Variants in BCORL1 observed in about 807,000 individuals in gnomAD.
BCORL1 encodes the protein BCL6 corepressor like 1.
In BCORL1, 7 loss-of-function variants were observed where a neutral mutation model predicts 87.6. That is an observed-to-expected ratio of 0.08 (90% CI 0.05 to 0.15). The LOEUF (loss-of-function observed/expected upper bound fraction) is 0.15, where lower values mean the gene tolerates loss of function less well. Ranked by LOEUF, BCORL1 falls within the 10% of genes least tolerant of loss-of-function variation. The pLI is 1.00. For synonymous variants in BCORL1, 591 were observed against 634.4 expected (o/e 0.93, Z 1.03); for missense variants, 1,215 against 1,499.7 (o/e 0.81, Z 3.13).
chrX:130,029,856 T>C (rs975733869), intron 8 of BCORL1, among the ~76,000 whole-genome samples: 4 of 110,503 alleles, frequency 3.6e-5, no homozygotes, highest in East Asian at 5.8e-4. Flanking sequence ...AAAATCACCA[T>C]GTTGGCCGGG....
At position 130,013,970 on chromosome X, in the gene BCORL1, G is replaced by A; in HGVS notation, c.1198G>A (p.Ala400Thr). ...FTPAPTPMPA[A>T]TPAAIPTSAP... ...TCCAGCCCCTACACCCATGCCTGCT[G>A]CCACGCCAGCTGCCATTCCCACCTC... The change falls in exon 4 of 14, where the codon GCC becomes ACC. Residue 400 changes from alanine to threonine, a missense_variant. By Grantham distance (58) the Ala-to-Thr change is moderately conservative (BLOSUM62 0). Coordinates refer to ENST00000540052, the MANE Select transcript of BCORL1 (RefSeq NM_001379451.1). The A allele has an allele frequency of 8.3e-7, 1 of 1,202,512 alleles. No individual in the cohort carries two copies. The highest frequency in any genetic ancestry group is 1.8e-5 in the African/African-American group (1 of 56,218).
At chrX:130,024,871 C>G in intron 6 of BCORL1, 119 bp from the exon 7 acceptor site, 1 of 1,012,479 alleles carries the variant, frequency 9.9e-7, no homozygotes. Context: ...CAGCTAATAA[C>G]TGGCAGAGCC....
chrX:129,981,548 T>C (rs1926098465), upstream of BCORL1: 1 of 109,689 alleles, frequency 9.1e-6, no homozygotes, highest in Non-Finnish European at 1.9e-5. Flanking sequence ...GGTTTGAAGA[T>C]TGGGATTCAC....
intron 8 of BCORL1, among the ~76,000 whole-genome samples, chrX:130,030,962 G>T (rs1247131558): frequency 8.9e-6 from 1 of 112,643 alleles, no homozygotes; most frequent in Non-Finnish European, 1.9e-5. Context: ...AGCAAGGGGT[G>T]GGGGAGGGCG....
chrX:130,056,383 G>T lies in BCORL1; in HGVS notation c.*247G>T. ...ATGGGGGTGGAAAGTTGAACTCCAT[G>T]TCTGAGGACAAGAGGTCCCGGGGGT... On this transcript the variant is annotated 3_prime_UTR_variant, in exon 14 of 14. Transcript: ENST00000540052. The T allele has an allele frequency of 3.1e-6, 1 of 324,697 alleles. No individual in the cohort carries two copies. The highest frequency in any genetic ancestry group is 5.1e-5 in the East Asian group (1 of 19,418). 26.8% of individuals were successfully genotyped at this position (324,697 alleles called of 1,213,427 possible). A position where few individuals can be genotyped will look rare whatever the true frequency, so the allele number is the denominator to read the frequency against.
At chrX:130,033,038 C>T (rs1218875226) in intron 8 of BCORL1, among the ~76,000 whole-genome samples, 1 of 108,788 alleles carries the variant, frequency 9.2e-6, no homozygotes, top group African/African-American at 3.3e-5. Context: ...GCTGGGATTA[C>T]AGGTGTGAGC....
chrX:130,051,678 G>A (rs1367944524), intron 12 of BCORL1, among the ~76,000 whole-genome samples, 182 bp from the exon 13 acceptor site: 2 of 112,346 alleles, frequency 1.8e-5, no homozygotes, highest in African/African-American at 3.2e-5. Context: ...GAACTTTCAT[G>A]TGCCCTCTGA....
chrX:130,025,586 G>A lies in BCORL1; in HGVS notation c.4078+207G>A, dbSNP rs1346052351. On this transcript the variant is annotated intron_variant, in intron 7 of 13. Transcript: ENST00000540052. ...AGTTCGGATTGGCCTGCAGGTGAGC[G>A]GAGGACATGAAGGCCCAAGCCCTCC... 2.7e-5 allele frequency among the ~76,000 whole-genome samples: 3 copies of A among 111,242 alleles called. No individual in the cohort carries two copies. The South Asian group carries it at 1.1e-3, about 42-fold the overall frequency.
chrX:129,988,117 G>T (rs1411804407), intron 1 of BCORL1, among the ~76,000 whole-genome samples: 1 of 111,673 alleles, frequency 9.0e-6, no homozygotes, highest in Non-Finnish European at 1.9e-5. Flanking sequence ...GCCAAAGAGG[G>T]AGGTAATATC....
At chrX:130,040,912 C>T (rs916430606) in intron 11 of BCORL1, among the ~76,000 whole-genome samples, 1 of 111,231 alleles carries the variant, frequency 9.0e-6, no homozygotes, top group Non-Finnish European at 1.9e-5. Flanking sequence ...GGTCTAGTCC[C>T]GAGGCCTCCT....
chrX:130,053,644 T>C (rs757743876), intron 13 of BCORL1, among the ~76,000 whole-genome samples: 1 of 111,609 alleles, frequency 9.0e-6, no homozygotes, highest in Non-Finnish European at 1.9e-5. Flanking sequence ...AAGCTGGTTT[T>C]CCTGACGTGA....
intron 6 of BCORL1, among the ~76,000 whole-genome samples, chrX:130,023,777 A>G (rs377684731): frequency 2.7e-5 from 3 of 112,564 alleles, no homozygotes; most frequent in African/African-American, 9.7e-5. Context: ...ATTGTACTGT[A>G]TTTGATTCTT....
At chrX:130,040,460 C>T (rs1359288970) in intron 11 of BCORL1, among the ~76,000 whole-genome samples, 1 of 112,355 alleles carries the variant, frequency 8.9e-6, no homozygotes, top group East Asian at 2.8e-4. Flanking sequence ...ATCTTGACTC[C>T]TGCTCAGCCA....
intron 4 of BCORL1, among the ~76,000 whole-genome samples, chrX:130,019,291 T>C (rs1270897841): frequency 8.9e-6 from 1 of 112,590 alleles, no homozygotes; most frequent in Non-Finnish European, 1.9e-5. Context: ...CTTGTTTTTG[T>C]CTTCGGAAGT....
intron 1 of BCORL1, among the ~76,000 whole-genome samples, chrX:130,003,315 C>T (rs762279498): frequency 1.8e-5 from 2 of 110,451 alleles, no homozygotes; most frequent in South Asian, 7.9e-4. Flanking sequence ...TGTGCCCTTG[C>T]CCCTTAGTCT....
chrX:130,017,729 C>T (rs771635704), intron 4 of BCORL1, among the ~76,000 whole-genome samples: 8 of 109,343 alleles, frequency 7.3e-5, no homozygotes, highest in Non-Finnish European at 1.9e-5. Flanking sequence ...GCAGCCTTCA[C>T]CTTCTGGGCT....
chrX:130,029,897 C>T (rs1049252525), intron 8 of BCORL1, among the ~76,000 whole-genome samples: 2 of 111,057 alleles, frequency 1.8e-5, no homozygotes, highest in African/African-American at 3.3e-5. Context: ...TCAAGTGATC[C>T]GCCCGCCTTG....
intron 6 of BCORL1, among the ~76,000 whole-genome samples, chrX:130,023,281 C>G (rs1266581007): frequency 1.8e-5 from 2 of 112,093 alleles, no homozygotes; most frequent in African/African-American, 6.5e-5. Context: ...AAAGCTGGTT[C>G]AACTCCAAGC....
intron 7 of BCORL1, among the ~76,000 whole-genome samples, chrX:130,026,534 G>A (rs1465842656): frequency 3.5e-5 from 4 of 112,771 alleles, no homozygotes; most frequent in African/African-American, 6.4e-5. Context: ...AGGATGAAGA[G>A]GAGCTTTTGT....
Sources: allele counts gnomAD v4.1 joint callset (sites outside exome capture counted in the v4.1 genomes callset), GRCh38; gene constraint gnomAD v4.1.1; transcripts MANE v1.5; gene names NCBI Gene and HGNC (gene_info 2026-07-23, HGNC 2026-07-21).